Variants in KIAA1671 observed in about 807,000 individuals in gnomAD.
The protein encoded by KIAA1671 is KIAA1671.
A neutral mutation model predicts 131.2 loss-of-function variants in KIAA1671; 52 were observed. That is an observed-to-expected ratio of 0.40 (90% CI 0.32 to 0.50). The LOEUF (loss-of-function observed/expected upper bound fraction) is 0.50. Among genes scored for constraint, KIAA1671 ranks in the 20% least tolerant of loss-of-function variants. The probability of loss-of-function intolerance (pLI) is 0.73; values close to 1 mark genes in which losing one functional copy is unlikely to be tolerated. For synonymous variants in KIAA1671, 1,003 were observed against 961.6 expected (o/e 1.04, Z -0.80); for missense variants, 2,360 against 2,364.2 (o/e 1.00, Z 0.04).
intron 6 of KIAA1671, chr22:25,064,760 A>C (rs1218020625): frequency 6.6e-6 from 1 of 152,244 alleles, no homozygotes; most frequent in Non-Finnish European, 1.5e-5. Context: ...CTTCATGCCT[A>C]GATCTAAAGA....
rs1228836579 is a variant in KIAA1671, at chr22:25,196,199, G to C, written c.*3798G>C. On this transcript the variant is annotated 3_prime_UTR_variant, in exon 13 of 13. Coordinates refer to ENST00000358431, the MANE Select transcript of KIAA1671 (RefSeq NM_001145206.2). Reference sequence around the variant, plus strand: ...ATTGGCTCCTGCAGGGGGAAGGGCAGAAAGCTAGGCCCTCTGCTCTGGAAA... The same window carrying C: ...ATTGGCTCCTGCAGGGGGAAGGGCACAAAGCTAGGCCCTCTGCTCTGGAAA... 2.0e-5 allele frequency: 3 copies of C among 152,186 alleles called. No homozygotes were observed. The East Asian group carries it at 5.8e-4, about 29-fold the overall frequency. 9.4% of individuals were successfully genotyped at this position (152,186 alleles called of 1,614,324 possible).
intron 6 of KIAA1671, among the ~76,000 whole-genome samples, chr22:25,104,060 C>A (rs532829888): frequency 2.6e-5 from 4 of 152,128 alleles, no homozygotes; most frequent in South Asian, 2.1e-4. Flanking sequence ...CTCACTGCAA[C>A]CTCGGCCTCC....
intron 5 of KIAA1671, among the ~76,000 whole-genome samples, chr22:25,047,916 C>A (rs1927335443): frequency 6.6e-6 from 1 of 152,214 alleles, no homozygotes; most frequent in Non-Finnish European, 1.5e-5. Context: ...AAGATTTACA[C>A]CTCTATTTTC....
rs566377039 is a variant in KIAA1671 at position 25,120,589 on chromosome 22, T to C, written c.4531-50231T>C. On this transcript the variant is annotated intron_variant, in intron 6 of 12. Coordinates refer to ENST00000358431, the MANE Select transcript of KIAA1671 (RefSeq NM_001145206.2). ...TTTCCTGTCTCCCCAACCAACAAAA[T>C]ACGGTGTGCTCAATGTATTCTTGGA... 2.6e-5 allele frequency among the ~76,000 whole-genome samples: 4 copies of C among 152,272 alleles called. No homozygotes were observed. In the South Asian group the frequency reaches 8.3e-4, roughly 32 times the overall value.
intron 6 of KIAA1671, among the ~76,000 whole-genome samples, chr22:25,131,584 C>A (rs1195414073): frequency 2.0e-5 from 3 of 152,240 alleles, no homozygotes; most frequent in African/African-American, 7.2e-5. Flanking sequence ...CTGATGTCAC[C>A]CTGGGAAGCC....
chr22:25,095,667 AAAC>A (rs1328740141), intron 6 of KIAA1671, among the ~76,000 whole-genome samples: 2 of 152,146 alleles, frequency 1.3e-5, no homozygotes, highest in Non-Finnish European at 2.9e-5. Flanking sequence ...AACAAAAACA[AAAC>A]AAAAATCAAG....
chr22:24,961,382 G>A (rs1247730412), intron 1 of KIAA1671, among the ~76,000 whole-genome samples: 2 of 152,162 alleles, frequency 1.3e-5, no homozygotes, highest in African/African-American at 4.8e-5. Flanking sequence ...GGACATACGT[G>A]GTCCCTGTAT....
chr22:25,165,348 A>G (rs528384111), intron 6 of KIAA1671, among the ~76,000 whole-genome samples: 1 of 152,270 alleles, frequency 6.6e-6, no homozygotes, highest in South Asian at 2.1e-4. Context: ...TCACATAGCT[A>G]CTATGTGGTG....
chr22:24,970,076 C>T (rs893928992), intron 1 of KIAA1671, among the ~76,000 whole-genome samples: 2 of 152,200 alleles, frequency 1.3e-5, no homozygotes, highest in African/African-American at 2.4e-5. Flanking sequence ...TTTATCACTC[C>T]GGGATGCTTC....
chr22:25,039,489 G>C lies in KIAA1671; in HGVS notation c.2359G>C (p.Glu787Gln), dbSNP rs1331364357. The C allele has an allele frequency of 5.2e-6, 8 of 1,551,712 alleles. No individual in the cohort carries two copies. Among genetic ancestry groups the C allele is most frequent in the Non-Finnish European group, 7.0e-6 (8 of 1,147,030 alleles). ...CCCTGCTGACCTGGAGTGTGGTTTG[G>C]AAGGTCAGGCGGGGTCCGTCCAAAG... is the stretch of plus-strand genomic sequence containing the variant. Reference protein sequence around the residue: ...VTPADLECGLEGQAGSVQRAS... With the variant: ...VTPADLECGLQGQAGSVQRAS... Residue 787 changes from glutamate to glutamine, a missense_variant, in exon 5 of 13, where the codon GAA becomes CAA. By Grantham distance (29) the Glu-to-Gln change is conservative (BLOSUM62 2). This residue lies in a region of KIAA1671 where 1,185 missense variants were observed against 1,126.2 expected (regional missense o/e 1.05). Coordinates refer to ENST00000358431, the MANE Select transcript of KIAA1671 (RefSeq NM_001145206.2).
intron 1 of KIAA1671, among the ~76,000 whole-genome samples, chr22:24,976,953 T>C (rs578098454): frequency 1.6e-4 from 24 of 152,192 alleles, no homozygotes; most frequent in African/African-American, 5.5e-4. Flanking sequence ...AGCCTGGGTT[T>C]GAGTCCTCTG....
intron 6 of KIAA1671, among the ~76,000 whole-genome samples, chr22:25,095,736 G>T (rs1930362136): frequency 6.6e-6 from 1 of 152,178 alleles, no homozygotes; most frequent in African/African-American, 2.4e-5. Context: ...AGCCCCCCTA[G>T]ATTCATCCCC....
rs151143067 is a variant in KIAA1671 at position 25,174,447 on chromosome 22, C to A, written c.4857C>A (p.Asp1619Glu). 17 of 1,544,900 alleles carry A rather than the reference C, an allele frequency of 1.1e-5. No homozygotes were observed. Among genetic ancestry groups the A allele is most frequent in the Non-Finnish European group, 1.2e-5 (14 of 1,142,040 alleles). Residue 1619 changes from aspartate (D) to glutamate (E), a missense_variant, in exon 8 of 13, where the codon GAC (aspartate) becomes GAA (glutamate). Physicochemically the swap from Asp to Glu is conservative, Grantham distance 45 (BLOSUM62 2). Coordinates refer to ENST00000358431, the MANE Select transcript of KIAA1671 (RefSeq NM_001145206.2). ...GGATGGAGGGGCCGCCTCCACCGGA[C>A]GCCTGCCCTGAAAAGAGAGTAGATG... ...TDGMEGPPPP[D>E]ACPEKRVDDF...
chr22:24,990,303 CT>C (rs1923769645), intron 1 of KIAA1671, among the ~76,000 whole-genome samples: 1 of 152,152 alleles, frequency 6.6e-6, no homozygotes, highest in African/African-American at 2.4e-5. Flanking sequence ...GTTGGCCATG[CT>C]GGTCTCGAAC....
chr22:25,126,896 G>A (rs891327823), intron 6 of KIAA1671, among the ~76,000 whole-genome samples: 3 of 152,142 alleles, frequency 2.0e-5, no homozygotes, highest in East Asian at 1.9e-4. Flanking sequence ...ATGAGACTCC[G>A]TCCCTGCATT....
At chr22:25,166,017 G>A (rs982182224) in intron 6 of KIAA1671, among the ~76,000 whole-genome samples, 2 of 152,236 alleles carry the variant, frequency 1.3e-5, no homozygotes, top group Non-Finnish European at 2.9e-5. Flanking sequence ...AGGGACGTGG[G>A]GGGCTGTGGA....
At chr22:25,183,488 C>CTCCT (rs36170262) in intron 10 of KIAA1671, among the ~76,000 whole-genome samples, 8 of 124,906 alleles carry the variant, frequency 6.4e-5, no homozygotes, top group South Asian at 5.7e-4. Flanking sequence ...CTTTCTCTTT[C>CTCCT]TCCTTCCTTC....
chr22:25,028,549 C>G lies in KIAA1671; in HGVS notation c.550C>G (p.Leu184Val), dbSNP rs1314821454. The change falls in exon 3 of 13, where the codon CTG (leucine) becomes GTG (valine). Residue 184 changes from leucine (L) to valine (V), a missense_variant. Transcript: ENST00000358431. ...GCCTGAGGTGGCTGCCAAGCCCGCC[C>G]TGCCCACCCAGAAGCCTGCGGGGAC... ...SRPEVAAKPA[L>V]PTQKPAGTLP... The G allele has an allele frequency of 9.7e-6, 15 of 1,539,446 alleles. No individual in the cohort carries two copies. The highest frequency in any genetic ancestry group is 1.4e-5 in the African/African-American group (1 of 72,848).
chr22:24,975,460 G>A (rs1013895729), intron 1 of KIAA1671, among the ~76,000 whole-genome samples: 1 of 152,110 alleles, frequency 6.6e-6, no homozygotes, highest in Non-Finnish European at 1.5e-5. Flanking sequence ...CTGGGGTGCA[G>A]GTGTGTGCCA....
Sources: gnomAD v4.1 joint callset for allele counts (sites outside exome capture counted in the v4.1 genomes callset) on GRCh38, gnomAD v4.1.1 for gene constraint, gnomAD v4.1.1 regional missense constraint, MANE v1.5 for transcripts, NCBI Gene and HGNC (gene_info 2026-07-23, HGNC 2026-07-21) for gene names.